Variants in CLASP2 observed in about 807,000 individuals in gnomAD.
CLASP2 encodes the protein CLIP-associating protein 2.
Under a neutral mutation model 194.4 loss-of-function variants are expected in CLASP2, and 47 were observed. The ratio of observed to expected loss-of-function variants is 0.24; its 90% confidence interval spans 0.19 to 0.31. CLASP2 has a LOEUF of 0.31. Ranked by LOEUF, CLASP2 falls within the 10% of genes least tolerant of loss-of-function variation. CLASP2 has a pLI of 1.00. For synonymous variants in CLASP2, 619 were observed against 633.5 expected (o/e 0.98, Z 0.34); for missense variants, 1,445 against 1,823.6 (o/e 0.79, Z 3.78).
intron 12 of CLASP2, among the ~76,000 whole-genome samples, chr3:33,615,391 A>G (rs1425385719): frequency 2.7e-5 from 4 of 150,306 alleles, no homozygotes; most frequent in Non-Finnish European, 4.4e-5. Flanking sequence ...AAAAAAAAAA[A>G]GGAAAGAAAA....
At chr3:33,591,412 A>G (rs1033854562) in intron 21 of CLASP2, among the ~76,000 whole-genome samples, 1 of 152,190 alleles carries the variant, frequency 6.6e-6, no homozygotes, top group Non-Finnish European at 1.5e-5. Flanking sequence ...CAGAAGAACA[A>G]GATCAGTTTG....
Position 33,538,959 on chromosome 3 carries a change from A to G in CLASP2, c.3405-17T>C. The stretch of plus-strand genomic sequence containing the variant: ...TCAAATGCACTATGAAAAAGACGAC[A>G]CTAATTTTTACTTAGGTGTAGTTTT... On this transcript the variant is annotated splice_polypyrimidine_tract_variant and intron_variant, in intron 32 of 38. Transcript: ENST00000682230. The G allele has an allele frequency of 6.5e-7, 1 of 1,532,430 alleles. No homozygotes were observed. The highest frequency in any genetic ancestry group is 8.8e-7 in the Non-Finnish European group (1 of 1,139,724). The allele number at this position is 1,532,430 out of a possible 1,614,324, so 94.9% of individuals were successfully genotyped here.
At chr3:33,631,696 C>CAA (rs543092852) in intron 9 of CLASP2, among the ~76,000 whole-genome samples, 1,420 of 107,004 alleles carry the variant, frequency 0.013, 70 homozygotes, top group Admixed American at 0.11. Context: ...GACTTCATCT[C>CAA]AAAAAAAAAA....
At chr3:33,514,251 T>G in intron 36 of CLASP2, among the ~76,000 whole-genome samples, 1 of 152,186 alleles carries the variant, frequency 6.6e-6, no homozygotes, top group East Asian at 1.9e-4. Flanking sequence ...CCTCCCAAAG[T>G]GCTGGGATTA....
At chr3:33,691,810 G>C (rs1001952866) in intron 2 of CLASP2, among the ~76,000 whole-genome samples, 1 of 152,126 alleles carries the variant, frequency 6.6e-6, no homozygotes, top group Admixed American at 6.6e-5. Flanking sequence ...TGATAGAGAA[G>C]GCACAGCAGG....
intron 21 of CLASP2, among the ~76,000 whole-genome samples, chr3:33,586,784 A>C (rs1173396784): frequency 1.3e-5 from 2 of 152,130 alleles, no homozygotes; most frequent in East Asian, 3.9e-4. Context: ...GGGCTGTATG[A>C]TTATATGTTA....
At chr3:33,702,555 T>C (rs1031011885) in intron 1 of CLASP2, among the ~76,000 whole-genome samples, 1 of 152,088 alleles carries the variant, frequency 6.6e-6, no homozygotes, top group Non-Finnish European at 1.5e-5. Context: ...CATGGTTTCT[T>C]AGACAGGACA....
At chr3:33,537,731 A>AAAAAC (rs953707434) in intron 33 of CLASP2, among the ~76,000 whole-genome samples, 10 of 152,314 alleles carry the variant, frequency 6.6e-5, no homozygotes, top group Middle Eastern at 3.4e-3. Context: ...ACATTATTAA[A>AAAAAC]AAAACAAAAC....
intron 6 of CLASP2, among the ~76,000 whole-genome samples, chr3:33,669,144 CTT>C (rs2086701350): frequency 6.6e-6 from 1 of 152,168 alleles, no homozygotes. Context: ...TATGTGCACA[CTT>C]AATTTATAAC....
chr3:33,626,909 A>T (rs886517667), intron 10 of CLASP2, 79 bp downstream of exon 10: 6 of 783,688 alleles, frequency 7.7e-6, no homozygotes, highest in Non-Finnish European at 1.3e-5. Context: ...ACCATATAGT[A>T]CTACTACTGA....
chr3:33,657,031 TG>T (rs1177202594), intron 7 of CLASP2, among the ~76,000 whole-genome samples: 1 of 152,088 alleles, frequency 6.6e-6, no homozygotes, highest in Non-Finnish European at 1.5e-5. Flanking sequence ...GGCTTGAAGG[TG>T]GTTTTGAAGG....
At chr3:33,513,299 G>A (rs1575696156) in intron 36 of CLASP2, among the ~76,000 whole-genome samples, 1 of 152,184 alleles carries the variant, frequency 6.6e-6, no homozygotes, top group Non-Finnish European at 1.5e-5. Context: ...AGCACTCTGG[G>A]AGGCCAAGCC....
intron 3 of CLASP2, among the ~76,000 whole-genome samples, 184 bp from the exon 4 acceptor site, chr3:33,688,552 T>A (rs2090980144): frequency 6.6e-6 from 1 of 152,216 alleles, no homozygotes; most frequent in Non-Finnish European, 1.5e-5. Context: ...CTCACCCATT[T>A]TTATTACCTT....
rs113238615 is a variant in CLASP2 at position 33,578,157 on chromosome 3, T to C, written c.2348-1882A>G. ...GATGTACCATCTTTAATTTACATTG[T>C]TGAAAAGTCAATACACCTCATTTTG... On this transcript the variant is annotated intron_variant, in intron 23 of 38. Transcript: ENST00000682230. 1.8e-3 allele frequency among the ~76,000 whole-genome samples: 275 copies of C among 152,314 alleles called. 1 individual carries two copies. Among genetic ancestry groups the C allele is most frequent in the African/African-American group, 6.1e-3 (253 of 41,580 alleles).
chr3:33,522,290 A>G (rs985436289), intron 34 of CLASP2, among the ~76,000 whole-genome samples: 2 of 152,102 alleles, frequency 1.3e-5, no homozygotes, highest in African/African-American at 4.8e-5. Context: ...GAAAGTGACA[A>G]TGGATGCCCA....
At chr3:33,506,840 T>C (rs1254073961) in intron 37 of CLASP2, among the ~76,000 whole-genome samples, 1 of 152,216 alleles carries the variant, frequency 6.6e-6, no homozygotes, top group Non-Finnish European at 1.5e-5. Context: ...TCTACCTTTA[T>C]GACAGTACCA....
intron 34 of CLASP2, among the ~76,000 whole-genome samples, chr3:33,525,578 C>G (rs1351572392): frequency 2.0e-5 from 3 of 152,160 alleles, no homozygotes; most frequent in African/African-American, 7.2e-5. Context: ...CCATGCTTCT[C>G]CCACAGATCT....
At chr3:33,616,684 C>T (rs562328528) in intron 12 of CLASP2, among the ~76,000 whole-genome samples, 1 of 151,266 alleles carries the variant, frequency 6.6e-6, no homozygotes, top group Admixed American at 6.6e-5. Flanking sequence ...AATATGATCC[C>T]ACCCAATTCA....
At chr3:33,552,838 C>G (rs76295235) in intron 29 of CLASP2, among the ~76,000 whole-genome samples, 3 of 152,124 alleles carry the variant, frequency 2.0e-5, no homozygotes, top group Admixed American at 2.0e-4. Context: ...ACTTTGAATA[C>G]TTTGACCTAC....
Sources: gnomAD v4.1 joint callset for allele counts (sites outside exome capture counted in the v4.1 genomes callset) on GRCh38, gnomAD v4.1.1 for gene constraint, MANE v1.5 for transcripts, NCBI Gene and HGNC (gene_info 2026-07-23, HGNC 2026-07-21) for gene names.